The following ASXL2 variants were observed in gnomAD, a reference collection of about 807,000 sequenced individuals.
ASXL2 encodes putative Polycomb group protein ASXL2.
A neutral mutation model predicts 122.0 loss-of-function variants in ASXL2; 23 were observed. The ratio of observed to expected loss-of-function variants is 0.19; its 90% CI spans 0.14 to 0.27. The LOEUF is 0.27. Ranked by LOEUF, ASXL2 falls within the 10% of genes least tolerant of loss-of-function variation. The pLI is 1.00. For missense variants in ASXL2, 1,518 were observed against 1,713.8 expected (o/e 0.89, Z 2.02); for synonymous variants, 650 against 637.0 (o/e 1.02, Z -0.31).
chr2:25,859,601 C>G (rs2089821026), intron 1 of ASXL2, among the ~76,000 whole-genome samples: 1 of 152,170 alleles, frequency 6.6e-6, no homozygotes, highest in Non-Finnish European at 1.5e-5. Flanking sequence ...CTGTCACTCC[C>G]ACTGAATGTA....
At chr2:25,848,618 C>T (rs2089679004) in intron 1 of ASXL2, among the ~76,000 whole-genome samples, 1 of 151,888 alleles carries the variant, frequency 6.6e-6, no homozygotes, top group African/African-American at 2.4e-5. Context: ...AGGAAGACTC[C>T]ATCTCAAAAA....
At chr2:25,871,663 C>T (rs979806629) in intron 1 of ASXL2, among the ~76,000 whole-genome samples, 2 of 152,220 alleles carry the variant, frequency 1.3e-5, no homozygotes, top group African/African-American at 4.8e-5. Context: ...ACGATCTCGG[C>T]TCACCGCAAC....
At chr2:25,753,500 A>C in intron 11 of ASXL2, 34 bp downstream of exon 11, 1 of 1,525,906 alleles carries the variant, frequency 6.6e-7, no homozygotes, top group Non-Finnish European at 9.0e-7. Flanking sequence ...TGTAGGAATT[A>C]ACATTTGGTT....
intron 3 of ASXL2, among the ~76,000 whole-genome samples, chr2:25,813,788 C>T (rs979436791): frequency 6.6e-5 from 10 of 152,328 alleles, no homozygotes; most frequent in African/African-American, 2.4e-4. Context: ...CAGTGGCTCA[C>T]GCCTGTAATC....
intron 3 of ASXL2, among the ~76,000 whole-genome samples, chr2:25,825,303 A>C (rs903659594): frequency 2.6e-5 from 4 of 152,208 alleles, no homozygotes; most frequent in African/African-American, 9.7e-5. Context: ...AAATCCTAGA[A>C]CTTTTTTATT....
chr2:25,823,204 G>A (rs1221331543), intron 3 of ASXL2, among the ~76,000 whole-genome samples: 3 of 152,156 alleles, frequency 2.0e-5, no homozygotes, highest in Non-Finnish European at 2.9e-5. Flanking sequence ...TGAAGCTGTT[G>A]AGTGAGGTCC....
At chr2:25,754,777 A>G (rs947489119) in intron 10 of ASXL2, among the ~76,000 whole-genome samples, 1 of 152,118 alleles carries the variant, frequency 6.6e-6, no homozygotes, top group African/African-American at 2.4e-5. Context: ...TCCTTTACCA[A>G]TTTATTCTTA....
chr2:25,848,678 C>G (rs2089679635), intron 1 of ASXL2, among the ~76,000 whole-genome samples: 1 of 151,914 alleles, frequency 6.6e-6, no homozygotes. Context: ...AAAATTATGT[C>G]TTTTTAGTAA....
intron 1 of ASXL2, among the ~76,000 whole-genome samples, chr2:25,867,286 T>C (rs191317488): frequency 6.6e-6 from 1 of 152,172 alleles, no homozygotes; most frequent in Admixed American, 6.5e-5. Flanking sequence ...AAGACCTCTT[T>C]TATGTGTGGA....
chr2:25,761,086 T>C (rs2088234481), intron 8 of ASXL2, among the ~76,000 whole-genome samples: 1 of 152,082 alleles, frequency 6.6e-6, no homozygotes, highest in South Asian at 2.1e-4. Flanking sequence ...GAAGACAAAA[T>C]ATTTTTAGAG....
At chr2:25,810,950 G>A (rs966282638) in intron 3 of ASXL2, among the ~76,000 whole-genome samples, 1 of 151,988 alleles carries the variant, frequency 6.6e-6, no homozygotes, top group Non-Finnish European at 1.5e-5. Context: ...TAATCTTCTG[G>A]GCACTGTGGC....
intron 4 of ASXL2, among the ~76,000 whole-genome samples, chr2:25,801,947 C>T (rs958449203): frequency 5.3e-5 from 8 of 152,220 alleles, no homozygotes; most frequent in African/African-American, 1.9e-4. Flanking sequence ...ACACAAACTG[C>T]TCAGTCAGGT....
At chr2:25,856,589 G>C (rs1410300913) in intron 1 of ASXL2, 8 of 1,201,260 alleles carry the variant, frequency 6.7e-6, no homozygotes, top group African/African-American at 6.0e-5. Context: ...CGCCAGTCTT[G>C]ATCTGTCCTG....
At chr2:25,819,145 C>A (rs575486162) in intron 3 of ASXL2, among the ~76,000 whole-genome samples, 5 of 152,238 alleles carry the variant, frequency 3.3e-5, no homozygotes, top group African/African-American at 9.6e-5. Context: ...CTGATCATTC[C>A]CCAATCAAGT....
intron 5 of ASXL2, among the ~76,000 whole-genome samples, chr2:25,795,211 AG>A (rs2088894824): frequency 6.6e-6 from 1 of 152,236 alleles, no homozygotes; most frequent in Non-Finnish European, 1.5e-5. Context: ...ACCAGAAAAG[AG>A]CTTTATAGAG....
intron 4 of ASXL2, 142 bp downstream of exon 4, chr2:25,806,087 G>T (rs1390907406): frequency 1.9e-6 from 1 of 530,102 alleles, no homozygotes; most frequent in Non-Finnish European, 3.4e-6. Context: ...TTTAAAAAAT[G>T]TATTGGGTAG....
intron 5 of ASXL2, among the ~76,000 whole-genome samples, chr2:25,776,218 T>C (rs1189301149): frequency 1.3e-5 from 2 of 152,208 alleles, no homozygotes; most frequent in Non-Finnish European, 2.9e-5. Context: ...TTTTTGTCTC[T>C]ATAAATTTGC....
rs1040185685 is a variant in ASXL2 at position 25,878,473 on chromosome 2, C to T, written c.-251G>A. The T allele has an allele frequency of 1.9e-6, 1 of 514,892 alleles. No individual in the cohort carries two copies. The allele number at this position is 514,892 out of a possible 1,614,324, so 31.9% of individuals were successfully genotyped here. ...TATTGGGTTCTTACTGTACAGGCTG[C>T]CGCTACGGTCATGTGACCGCTCCCG... On this transcript the variant is annotated 5_prime_UTR_variant, in exon 1 of 13. Transcript: ENST00000435504.
chr2:25,770,909 C>T (rs778299866), intron 6 of ASXL2, among the ~76,000 whole-genome samples: 3 of 151,846 alleles, frequency 2.0e-5, no homozygotes, highest in Non-Finnish European at 2.9e-5. Flanking sequence ...GAGCAAACTA[C>T]GAACAAATTA....
Sources: gnomAD v4.1 joint callset for allele counts (sites outside exome capture counted in the v4.1 genomes callset) on GRCh38, gnomAD v4.1.1 for gene constraint, MANE v1.5 for transcripts, NCBI Gene and HGNC (gene_info 2026-07-23, HGNC 2026-07-21) for gene names.